ERBB4: variants seen among roughly 807,000 people sequenced by gnomAD.
The protein encoded by ERBB4 is receptor tyrosine-protein kinase erbB-4.
In ERBB4, 42 loss-of-function variants were observed where a neutral mutation model predicts 158.0. The observed-to-expected ratio is 0.27, with a 90% CI of 0.21 to 0.34. ERBB4 has a LOEUF of 0.34. Among genes scored for constraint, ERBB4 ranks in the 10% least tolerant of loss-of-function variants. ERBB4 has a pLI of 1.00. For missense variants in ERBB4, 1,333 were observed against 1,624.1 expected (o/e 0.82, Z 3.08); for synonymous variants, 583 against 558.7 (o/e 1.04, Z -0.61).
chr2:212,010,129 G>A (rs1559309004), intron 2 of ERBB4, among the ~76,000 whole-genome samples: 2 of 152,136 alleles, frequency 1.3e-5, no homozygotes, highest in Non-Finnish European at 2.9e-5. Flanking sequence ...AGTGTTAAGT[G>A]CCTCCTTGTT....
At chr2:212,192,943 G>C (rs902320846) in intron 1 of ERBB4, among the ~76,000 whole-genome samples, 14 of 152,228 alleles carry the variant, frequency 9.2e-5, no homozygotes, top group African/African-American at 3.4e-4. Context: ...AAACCGTATT[G>C]ATCCAAGAAG....
intron 1 of ERBB4, among the ~76,000 whole-genome samples, chr2:212,145,147 TA>T (rs1320573368): frequency 6.6e-6 from 1 of 152,134 alleles, no homozygotes; most frequent in Admixed American, 6.6e-5. Context: ...CTTTACATAT[TA>T]AGTTTAAAAA....
intron 2 of ERBB4, among the ~76,000 whole-genome samples, chr2:212,019,182 T>A (rs1575524734): frequency 6.6e-6 from 1 of 152,194 alleles, no homozygotes; most frequent in Non-Finnish European, 1.5e-5. Flanking sequence ...CAGGTTTCTT[T>A]ACAAAAATAA....
At chr2:211,793,977 A>T (rs948008146) in intron 3 of ERBB4, among the ~76,000 whole-genome samples, 1 of 151,892 alleles carries the variant, frequency 6.6e-6, no homozygotes, top group Non-Finnish European at 1.5e-5. Flanking sequence ...TGATAATGTA[A>T]ATGAGTGACG....
chr2:212,345,413 T>A (rs2088949040), intron 1 of ERBB4, among the ~76,000 whole-genome samples: 1 of 152,156 alleles, frequency 6.6e-6, no homozygotes, highest in Non-Finnish European at 1.5e-5. Flanking sequence ...AGGAGACATT[T>A]AGCAATGTCT....
intron 1 of ERBB4, among the ~76,000 whole-genome samples, chr2:212,358,746 A>T (rs1406032374): frequency 6.6e-6 from 1 of 151,784 alleles, no homozygotes; most frequent in African/African-American, 2.4e-5. Context: ...CAATTCATTC[A>T]GAGTGAATTA....
chr2:211,622,986 A>G (rs2069666806), intron 18 of ERBB4, among the ~76,000 whole-genome samples: 1 of 41,892 alleles, frequency 2.4e-5, no homozygotes, highest in African/African-American at 1.1e-4. Flanking sequence ...AAAAAAAAAA[A>G]AAAAATATAT....
chr2:211,495,739 T>A (rs867428270), intron 20 of ERBB4, among the ~76,000 whole-genome samples: 5 of 152,240 alleles, frequency 3.3e-5, no homozygotes, highest in Admixed American at 6.5e-5. Flanking sequence ...TTAAAATGGA[T>A]TAAGCAGTTC....
intron 25 of ERBB4, among the ~76,000 whole-genome samples, chr2:211,411,711 G>A (rs1293479922): frequency 2.0e-5 from 3 of 152,198 alleles, no homozygotes; most frequent in Non-Finnish European, 2.9e-5. Flanking sequence ...TTGGCTAAAC[G>A]TTCAAAAATC....
At chr2:212,027,849 A>G (rs1022150838) in intron 2 of ERBB4, among the ~76,000 whole-genome samples, 6 of 152,072 alleles carry the variant, frequency 3.9e-5, no homozygotes, top group Non-Finnish European at 7.4e-5. Flanking sequence ...TTTTAACAAT[A>G]TATCTTGCAT....
intron 3 of ERBB4, among the ~76,000 whole-genome samples, chr2:211,908,771 T>C (rs1177052488): frequency 6.6e-6 from 1 of 151,806 alleles, no homozygotes; most frequent in Non-Finnish European, 1.5e-5. Context: ...CAGAGGCAAT[T>C]GTAGTACAAA....
chr2:211,999,783 A>G lies in ERBB4; in HGVS notation c.235-52167T>C, dbSNP rs2076062648. ...ATTTCCTTTTTTTCAATTTGCTAAT[A>G]TTTTAGGTTTAAAACCATCTTACCT... On this transcript the variant is annotated intron_variant, in intron 2 of 27. Transcript: ENST00000342788. Among the ~76,000 whole-genome samples, 8 of 151,780 alleles carry G rather than the reference A, an allele frequency of 5.3e-5. No homozygotes were observed. In the South Asian group the frequency reaches 1.5e-3, roughly 28 times the overall value.
chr2:211,486,166 T>C (rs2065200060), intron 20 of ERBB4, among the ~76,000 whole-genome samples: 1 of 152,188 alleles, frequency 6.6e-6, no homozygotes, highest in South Asian at 2.1e-4. Flanking sequence ...TCTTGGAACT[T>C]TGTATCTGCT....
intron 25 of ERBB4, among the ~76,000 whole-genome samples, chr2:211,403,707 C>A (rs1400003911): frequency 6.6e-6 from 1 of 152,086 alleles, no homozygotes; most frequent in Non-Finnish European, 1.5e-5. Flanking sequence ...TTTCTCTGAC[C>A]ACAATCTCTT....
intron 2 of ERBB4, among the ~76,000 whole-genome samples, chr2:211,985,283 G>A (rs2081909983): frequency 6.6e-6 from 1 of 152,080 alleles, no homozygotes; most frequent in Non-Finnish European, 1.5e-5. Flanking sequence ...AAGAAGGAAG[G>A]GAGTAAGAGA....
intron 1 of ERBB4, among the ~76,000 whole-genome samples, chr2:212,208,617 T>A (rs966166895): frequency 1.3e-5 from 2 of 152,186 alleles, no homozygotes; most frequent in Non-Finnish European, 2.9e-5. Context: ...AAAGTGAAGA[T>A]CTTGAGGATG....
At chr2:211,888,309 T>C (rs1048211336) in intron 3 of ERBB4, among the ~76,000 whole-genome samples, 1 of 151,828 alleles carries the variant, frequency 6.6e-6, no homozygotes, top group African/African-American at 2.4e-5. Context: ...ATATGGTACA[T>C]TAGCATAAAG....
At position 211,384,056 on chromosome 2, in the gene ERBB4, G is replaced by A. The variant is rs938151920; in HGVS notation, c.3486C>T (p.Tyr1162=). 5 of 1,609,962 alleles carry A rather than the reference G, an allele frequency of 3.1e-6. No homozygotes were observed. In the South Asian group the frequency reaches 4.4e-5, roughly 14 times the overall value. ...TPMRDKPKQE[Y]LNPVEENPFV... ...AAGGGTTCTCCTCCACTGGATTCAG[G>A]TATTCTAAAGGAATAAAAAAATATC... is the stretch of plus-strand genomic sequence containing the variant. Residue 1162 remains tyrosine, a synonymous_variant, in exon 28 of 28, where the codon TAC becomes TAT. Transcript: ENST00000342788.
intron 1 of ERBB4, among the ~76,000 whole-genome samples, chr2:212,247,157 T>C (rs2084339003): frequency 6.6e-6 from 1 of 152,196 alleles, no homozygotes; most frequent in Non-Finnish European, 1.5e-5. Context: ...TATTGTGTCA[T>C]TGCTGTTCAT....
Sources: gnomAD v4.1 joint callset for allele counts (sites outside exome capture counted in the v4.1 genomes callset) on GRCh38, gnomAD v4.1.1 for gene constraint, MANE v1.5 for transcripts, NCBI Gene and HGNC (gene_info 2026-07-23, HGNC 2026-07-21) for gene names.